CD164: variants seen among roughly 807,000 people sequenced by gnomAD.
CD164 encodes the protein sialomucin core protein 24.
In CD164, 11 loss-of-function variants were observed where a neutral mutation model predicts 24.6. The observed-to-expected ratio is 0.45, with a 90% confidence interval of 0.28 to 0.74. The LOEUF (loss-of-function observed/expected upper bound fraction) is 0.74. Among genes scored for constraint, CD164 ranks in the 30% least tolerant of loss-of-function variants. The pLI, the probability that CD164 is intolerant of heterozygous loss-of-function variation, is 0.13. For missense variants in CD164, 295 were observed against 243.7 expected, an observed-to-expected ratio of 1.21 and a Z score of -1.40; for synonymous variants, 126 against 100.3, an observed-to-expected ratio of 1.26 and a Z score of -1.53.
intron 4 of CD164, among the ~76,000 whole-genome samples, chr6:109,374,626 T>C (rs1771291518): frequency 6.6e-6 from 1 of 152,204 alleles, no homozygotes; most frequent in Admixed American, 6.5e-5. Flanking sequence ...TTAAAATCTT[T>C]CAGGATAACA....
chr6:109,376,117 TAAA>T lies in CD164; in HGVS notation c.332-8_332-6del, dbSNP rs1338465369. ...GCACTGGAGTGGCCGTGGAAACTATTAAAAAAAGAAAAAAGAAAAACCATATAC... is the reference window on the plus strand; with the variant it reads ...GCACTGGAGTGGCCGTGGAAACTATTAAAAGAAAAAAGAAAAACCATATAC... On this transcript the variant is annotated splice_region_variant and splice_polypyrimidine_tract_variant and intron_variant, in intron 3 of 5. Coordinates refer to ENST00000310786, the MANE Select transcript of CD164 (RefSeq NM_006016.6). 6.4e-7 allele frequency: 1 copy of T among 1,561,620 alleles called. No individual in the cohort carries two copies. The highest frequency in any genetic ancestry group is 8.6e-7 in the Non-Finnish European group (1 of 1,165,120).
At position 109,382,407 on chromosome 6, in the gene CD164, A is replaced by G; in HGVS notation, c.-29T>C. 6.7e-7 allele frequency: 1 copy of G among 1,492,830 alleles called. No individual in the cohort carries two copies. The highest frequency in any genetic ancestry group is 1.3e-5 in the South Asian group (1 of 79,128). The allele number at this position is 1,492,830 out of a possible 1,614,324, so 92.5% of individuals were successfully genotyped here. ...GTCCTCAGCGCTGGCGTTCGGGAGA[A>G]AGCTAAGGCTCGCAACGCTCAGTCA... is the stretch of plus-strand genomic sequence containing the variant. On this transcript the variant is annotated 5_prime_UTR_variant, in exon 1 of 6. Coordinates refer to ENST00000310786, the MANE Select transcript of CD164 (RefSeq NM_006016.6).
rs1770814060 is a variant in CD164 at position 109,367,298 on chromosome 6, A to C, written c.*1553T>G. 6.6e-6 allele frequency: 1 copy of C among 152,642 alleles called. No homozygotes were observed. The highest frequency in any genetic ancestry group is 1.5e-5 in the Non-Finnish European group (1 of 68,010). The allele number at this position is 152,642 out of a possible 1,614,324, so 9.5% of individuals were successfully genotyped here. Reference sequence around the variant, plus strand: ...TAAATCTTCATCTTAACAACCTTTAATAGTTATCTAAATGCAGAGTTTGTT... The same window carrying C: ...TAAATCTTCATCTTAACAACCTTTACTAGTTATCTAAATGCAGAGTTTGTT... On this transcript the variant is annotated 3_prime_UTR_variant, in exon 6 of 6. Transcript: ENST00000310786.
At chr6:109,375,992 T>C (rs1771384959) in intron 4 of CD164, 82 bp downstream of exon 4, 2 of 1,078,530 alleles carry the variant, frequency 1.9e-6, no homozygotes, top group African/African-American at 1.7e-5. Flanking sequence ...CTAACAACTT[T>C]TACATAATTA....
intron 2 of CD164, 105 bp downstream of exon 2, chr6:109,379,474 T>C: frequency 1.2e-6 from 1 of 806,430 alleles, no homozygotes. Context: ...GCAAAATAAA[T>C]AGTGCACAAT....
chr6:109,372,520 TTTC>T (rs1472689577), intron 4 of CD164: 4 of 152,224 alleles, frequency 2.6e-5, no homozygotes, highest in Non-Finnish European at 4.4e-5. Context: ...ACCCATTTGC[TTTC>T]TTTTTTCCCT....
intron 4 of CD164, chr6:109,371,205 T>C (rs1771057033): frequency 6.6e-6 from 1 of 152,118 alleles, no homozygotes; most frequent in Non-Finnish European, 1.5e-5. Flanking sequence ...AAATGTACAC[T>C]CTGAGAAGGA....
chr6:109,381,381 T>A (rs1305292920), intron 1 of CD164: 6 of 638,638 alleles, frequency 9.4e-6, no homozygotes, highest in South Asian at 1.8e-5. Context: ...AAACATACGC[T>A]ATCTGAGCAC....
chr6:109,381,550 C>A (rs1254477572), intron 1 of CD164: 2 of 702,610 alleles, frequency 2.8e-6, no homozygotes, highest in Middle Eastern at 2.3e-4. Flanking sequence ...CCGGTACATA[C>A]ATGGGTACTT....
chr6:109,370,717 T>A (rs995637988), intron 4 of CD164: 4 of 361,916 alleles, frequency 1.1e-5, no homozygotes, highest in Non-Finnish European at 2.0e-5. Flanking sequence ...ATAAAATCTA[T>A]GTATACATCT....
At chr6:109,376,175 T>TA in intron 3 of CD164, 63 bp from the exon 4 acceptor site, 2 of 1,165,016 alleles carry the variant, frequency 1.7e-6, no homozygotes, top group South Asian at 3.0e-5. Context: ...TCACAATCTA[T>TA]AACGCTAGTT....
rs1481494794 is a variant in CD164, at chr6:109,382,344, G to A, written c.35C>T (p.Ala12Val). Residue 12 changes from alanine (A) to valine (V), a missense_variant, in exon 1 of 6, where the codon GCC becomes GTC. Ala to Val is a moderately conservative substitution (Grantham distance 64, BLOSUM62 0). Coordinates refer to ENST00000310786, the MANE Select transcript of CD164 (RefSeq NM_006016.6). Reference protein sequence around the residue: ...SRLSRSLLWAATCLGVLCVLS... With the variant: ...SRLSRSLLWAVTCLGVLCVLS... ...CACGCAGAGCACGCCCAGGCAGGTG[G>A]CGGCCCAAAGCAGTGAGCGGGAGAG... The A allele has an allele frequency of 6.4e-7, 1 of 1,563,514 alleles. No individual in the cohort carries two copies. The highest frequency in any genetic ancestry group is 1.9e-5 in the Admixed American group (1 of 53,510).
chr6:109,370,521 G>A, intron 4 of CD164, 54 bp from the exon 5 acceptor site: 1 of 1,455,132 alleles, frequency 6.9e-7, no homozygotes, highest in Non-Finnish European at 9.5e-7. Flanking sequence ...TAGCTTCCCA[G>A]TTATCTAACA....
chr6:109,378,733 T>C (rs1464039262), intron 2 of CD164, among the ~76,000 whole-genome samples: 3 of 152,034 alleles, frequency 2.0e-5, no homozygotes, highest in Admixed American at 6.5e-5. Context: ...TCCCATTTTA[T>C]GACCTAAAAA....
At chr6:109,377,846 G>C in intron 3 of CD164, 54 bp downstream of exon 3, 3 of 1,303,538 alleles carry the variant, frequency 2.3e-6, no homozygotes, top group Non-Finnish European at 3.3e-6. Context: ...CTGAGGCAAT[G>C]ATCTTCCTCA....
chr6:109,376,396 A>C lies in CD164; in HGVS notation c.332-284T>G, dbSNP rs117668371. 0.022 allele frequency among the ~76,000 whole-genome samples: 3,386 copies of C among 152,302 alleles called. 73 individuals carry two copies. The highest frequency in any genetic ancestry group is 0.07 in the East Asian group (362 of 5,190). On this transcript the variant is annotated intron_variant, in intron 3 of 5. Coordinates refer to ENST00000310786, the MANE Select transcript of CD164 (RefSeq NM_006016.6). Reference sequence around the variant, plus strand: ...CGCATAACCTCTAGGAAGCATCCTTAAAGTAAGATACAAGCCTCTTTCATT... The same window carrying C: ...CGCATAACCTCTAGGAAGCATCCTTCAAGTAAGATACAAGCCTCTTTCATT...
Position 109,382,213 on chromosome 6 carries a change from G to C in CD164, c.166C>G (p.Pro56Ala), listed in dbSNP as rs775524845. The change falls in exon 1 of 6, where the codon CCG (proline) becomes GCG (alanine). Residue 56 changes from proline to alanine, a missense_variant. Coordinates refer to ENST00000310786, the MANE Select transcript of CD164 (RefSeq NM_006016.6). Reference sequence around the variant, plus strand: ...CAGGGCCCGCGCCCACCTGGTGCCGGAGTGGTGACCAGCGGGAGGGACGTC... The same window carrying C: ...CAGGGCCCGCGCCCACCTGGTGCCGCAGTGGTGACCAGCGGGAGGGACGTC... ...PVTSLPLVTT[P>A]APETCEGRNS... is the part of the protein sequence containing the mutation. 2 of 1,566,392 alleles carry C rather than the reference G, an allele frequency of 1.3e-6. No homozygotes were observed. Among genetic ancestry groups the C allele is most frequent in the South Asian group, 1.2e-5 (1 of 85,588 alleles).
At chr6:109,378,644 T>A (rs1367023504) in intron 2 of CD164, among the ~76,000 whole-genome samples, 1 of 152,102 alleles carries the variant, frequency 6.6e-6, no homozygotes, top group Non-Finnish European at 1.5e-5. Flanking sequence ...CCAACAAATC[T>A]TAAAGTAGAG....
rs1771011883 is a variant in CD164, at chr6:109,370,412, T to C, written c.426A>G (p.Ser142=). The change falls in exon 5 of 6, where the codon TCA becomes TCG. Residue 142 remains serine (S), a splice_region_variant and synonymous_variant. Coordinates refer to ENST00000310786, the MANE Select transcript of CD164 (RefSeq NM_006016.6). ...PSTTSKTVTT[S]GTTNNTVTPT... ...GCTAATCTAAAAAGCCTCAATTACC[T>C]GATGTAGTAACTGTCTTGGAAGTTG... 6.2e-7 allele frequency: 1 copy of C among 1,610,890 alleles called. No individual in the cohort carries two copies. Among genetic ancestry groups the C allele is most frequent in the Non-Finnish European group, 8.5e-7 (1 of 1,177,290 alleles).
Sources: allele counts gnomAD v4.1 joint callset (sites outside exome capture counted in the v4.1 genomes callset), GRCh38; gene constraint gnomAD v4.1.1; transcripts MANE v1.5; gene names NCBI Gene and HGNC (gene_info 2026-07-23, HGNC 2026-07-21).